The following RPS10 variants were observed in gnomAD, a reference collection of about 807,000 sequenced individuals.
RPS10 encodes small ribosomal subunit protein eS10.
A neutral mutation model predicts 22.6 loss-of-function variants in RPS10; 2 were observed. The ratio of observed to expected loss-of-function variants is 0.09; its 90% CI spans 0.04 to 0.28. The LOEUF (loss-of-function observed/expected upper bound fraction) is 0.28. RPS10 is among the 10% of genes least tolerant of loss of function. The pLI, the probability that RPS10 is intolerant of heterozygous loss-of-function variation, is 1.00. For synonymous variants in RPS10, 70 were observed against 75.9 expected, an observed-to-expected ratio of 0.92 and a Z score of 0.40; for missense variants, 137 against 222.2, an observed-to-expected ratio of 0.62 and a Z score of 2.44.
chr6:34,419,202 G>A (rs934705348), intron 4 of RPS10, among the ~76,000 whole-genome samples: 1 of 151,968 alleles, frequency 6.6e-6, no homozygotes, highest in Admixed American at 6.6e-5. Context: ...TGTATTTTTA[G>A]TAGAGATGGG....
In RPS10 at chr6:34,418,974, A is replaced by C. The variant is rs190261616; in HGVS notation, c.401-550T>G. 3.4e-3 allele frequency among the ~76,000 whole-genome samples: 520 copies of C among 151,974 alleles called. 5 individuals are homozygous for C. Among genetic ancestry groups the C allele is most frequent in the Admixed American group, 7.7e-3 (117 of 15,272 alleles). On this transcript the variant is annotated intron_variant, in intron 4 of 5. Transcript: ENST00000648437. ...ACTACAACCTCTGCCTCATGGGCTC[A>C]AGCGATCCTCCCACCTCAGGTGGGA...
chr6:34,421,308 T>C (rs1325749360), intron 4 of RPS10, among the ~76,000 whole-genome samples: 1 of 151,830 alleles, frequency 6.6e-6, no homozygotes, highest in Non-Finnish European at 1.5e-5. Flanking sequence ...CTCAGCCTCC[T>C]AAGTAGCTGG....
In RPS10 at chr6:34,417,473, A is replaced by C. The variant is rs752732684; in HGVS notation, c.*33T>G. 20 of 1,596,150 alleles carry C rather than the reference A, an allele frequency of 1.3e-5. No homozygotes were observed. The highest frequency in any genetic ancestry group is 2.2e-4 in the Middle Eastern group (1 of 4,466). On this transcript the variant is annotated 3_prime_UTR_variant, in exon 6 of 6. Coordinates refer to ENST00000648437, the MANE Select transcript of RPS10 (RefSeq NM_001014.5). ...AAAAGATTAAGGTTTTTTGGCTGTAAGTTTATTCAATGCAAAAGAATCCTC... is the reference window on the plus strand; with the variant it reads ...AAAAGATTAAGGTTTTTTGGCTGTACGTTTATTCAATGCAAAAGAATCCTC...
chr6:34,420,643 A>G (rs976750537), intron 4 of RPS10, among the ~76,000 whole-genome samples: 3 of 152,182 alleles, frequency 2.0e-5, no homozygotes, highest in African/African-American at 7.2e-5. Flanking sequence ...GACAGAAAAA[A>G]GCTAAGAGTG....
At chr6:34,422,464 G>C (rs1448522368) in intron 3 of RPS10, among the ~76,000 whole-genome samples, 2 of 152,184 alleles carry the variant, frequency 1.3e-5, no homozygotes, top group African/African-American at 4.8e-5. Flanking sequence ...ACATGCACGT[G>C]CCACCACGCA....
At chr6:34,421,097 GT>G (rs554380258) in intron 4 of RPS10, among the ~76,000 whole-genome samples, 9,382 of 131,940 alleles carry the variant, frequency 0.071, 577 homozygotes, top group African/African-American at 0.18. Flanking sequence ...TACCGAAGAG[GT>G]TTTTTTTTTT....
chr6:34,421,263 G>A (rs547821216), intron 4 of RPS10, among the ~76,000 whole-genome samples: 9 of 151,688 alleles, frequency 5.9e-5, no homozygotes, highest in South Asian at 2.1e-4. Flanking sequence ...GGCTCACTGC[G>A]GCCTCTGCCT....
At chr6:34,420,632 T>C (rs1204981636) in intron 4 of RPS10, among the ~76,000 whole-genome samples, 2 of 152,106 alleles carry the variant, frequency 1.3e-5, no homozygotes, top group South Asian at 2.1e-4. Context: ...CTCCAAAAGA[T>C]GACAGAAAAA....
At chr6:34,423,210 T>G (rs1206765555) in intron 3 of RPS10, among the ~76,000 whole-genome samples, 2 of 152,118 alleles carry the variant, frequency 1.3e-5, no homozygotes, top group East Asian at 3.9e-4. Context: ...TCTTGCTTTG[T>G]TGTTCAGGCT....
intron 4 of RPS10, among the ~76,000 whole-genome samples, chr6:34,421,355 TG>T (rs1349476074): frequency 6.6e-6 from 1 of 151,868 alleles, no homozygotes; most frequent in Non-Finnish European, 1.5e-5. Flanking sequence ...CCCTAATTTT[TG>T]TATTTTTAAT....
chr6:34,424,156 A>AAAAAAAAAAAAAAAC (rs1765868805), intron 3 of RPS10: 1 of 150,620 alleles, frequency 6.6e-6, no homozygotes. Flanking sequence ...AAAAAAAAAA[A>AAAAAAAAAAAAAAAC]AAAAAAAAGC....
chr6:34,423,660 G>C (rs1765845756), intron 3 of RPS10, among the ~76,000 whole-genome samples: 1 of 152,130 alleles, frequency 6.6e-6, no homozygotes, highest in Non-Finnish European at 1.5e-5. Flanking sequence ...TGAGGTGGTG[G>C]ATCACCTGAG....
At chr6:34,419,984 ACAATC>A (rs1561937643) in intron 4 of RPS10, among the ~76,000 whole-genome samples, 1 of 152,074 alleles carries the variant, frequency 6.6e-6, no homozygotes, top group Non-Finnish European at 1.5e-5. Flanking sequence ...TGGGCTCAAA[ACAATC>A]CTCTTGCCTT....
chr6:34,425,496 T>TG (rs898660998), intron 1 of RPS10: 113 of 415,518 alleles, frequency 2.7e-4, no homozygotes, highest in African/African-American at 1.6e-3. Context: ...CAAAGGTCAA[T>TG]GGGGGGGAGA....
intron 1 of RPS10, 126 bp from the exon 2 acceptor site, chr6:34,425,347 T>G (rs1283846425): frequency 1.6e-6 from 2 of 1,265,154 alleles, no homozygotes; most frequent in Non-Finnish European, 1.1e-6. Flanking sequence ...AAGACTCAAC[T>G]CCACAAAACA....
chr6:34,417,646 C>T, intron 5 of RPS10, 99 bp from the exon 6 acceptor site: 1 of 1,158,874 alleles, frequency 8.6e-7, no homozygotes, highest in Non-Finnish European at 1.3e-6. Context: ...CCAGAGGCCC[C>T]CAAATGTAAA....
chr6:34,422,062 A>G (rs187709650), intron 3 of RPS10, among the ~76,000 whole-genome samples: 4 of 152,042 alleles, frequency 2.6e-5, no homozygotes, highest in Admixed American at 2.6e-4. Flanking sequence ...ACATAAAACT[A>G]TTTTCCAATT....
At position 34,424,859 on chromosome 6, in the gene RPS10, C is replaced by T. The variant is rs1169836715; in HGVS notation, c.151-19G>A. 6.2e-7 allele frequency: 1 copy of T among 1,613,696 alleles called. No individual in the cohort carries two copies. The highest frequency in any genetic ancestry group is 1.7e-5 in the Admixed American group (1 of 60,002). On this transcript the variant is annotated intron_variant, in intron 2 of 5. Coordinates refer to ENST00000648437, the MANE Select transcript of RPS10 (RefSeq NM_001014.5). ...TGAGAGACTGTAAGGCAGAAAACTA[C>T]TGTTAAGGCGTTAAGTAGAAGCTTG... is the stretch of plus-strand genomic sequence containing the variant.
At position 34,424,140 on chromosome 6, in the gene RPS10, TA is replaced by T. The variant is rs71538239; in HGVS notation, c.322+528del. 299 of 49,100 alleles carry T rather than the reference TA, an allele frequency of 6.1e-3. 8 individuals are homozygous for T. Among genetic ancestry groups the T allele is most frequent in the African/African-American group, 0.028 (266 of 9,420 alleles). The allele number at this position is 49,100 out of a possible 1,614,324, so 3.0% of individuals were successfully genotyped here. A position where few individuals can be genotyped will look rare whatever the true frequency, so the allele number is the denominator to read the frequency against. On this transcript the variant is annotated intron_variant, in intron 3 of 5. Coordinates refer to ENST00000648437, the MANE Select transcript of RPS10 (RefSeq NM_001014.5). The stretch of plus-strand genomic sequence containing the variant: ...GCTGGGCAACAGAGCAAGACTCCGT[TA>T]AAAAAAAAAAAAAAAAAAAAAAAGC...
Sources: gnomAD v4.1 joint callset for allele counts (sites outside exome capture counted in the v4.1 genomes callset) on GRCh38, gnomAD v4.1.1 for gene constraint, MANE v1.5 for transcripts, NCBI Gene and HGNC (gene_info 2026-07-23, HGNC 2026-07-21) for gene names.